The following KMT2C variants were observed in gnomAD, a reference collection of about 807,000 sequenced individuals.
The protein encoded by KMT2C is histone-lysine N-methyltransferase 2C.
KMT2C carries 88 observed loss-of-function variants against 507.9 expected under a neutral mutation model. The observed-to-expected ratio is 0.17, with a 90% CI of 0.15 to 0.21. The LOEUF is 0.21. Ranked by LOEUF, KMT2C falls within the 10% of genes least tolerant of loss-of-function variation. The pLI, the probability that KMT2C is intolerant of heterozygous loss-of-function variation, is 1.00. For missense variants in KMT2C, 4,954 were observed against 5,957.8 expected, an observed-to-expected ratio of 0.83 and a Z score of 5.55; for synonymous variants, 2,049 against 2,080.8, an observed-to-expected ratio of 0.98 and a Z score of 0.42.
At chr7:152,362,956 C>T (rs1236985783) in intron 1 of KMT2C, among the ~76,000 whole-genome samples, 10 of 152,158 alleles carry the variant, frequency 6.6e-5, no homozygotes, top group Non-Finnish European at 2.9e-5. Flanking sequence ...AACTTATTGA[C>T]ATCATGTCAT....
At chr7:152,435,022 G>A (rs938790472) in intron 1 of KMT2C, among the ~76,000 whole-genome samples, 1 of 152,076 alleles carries the variant, frequency 6.6e-6, no homozygotes, top group South Asian at 2.1e-4. Flanking sequence ...GTTGGGGGAG[G>A]GGGGAGGAAG....
intron 43 of KMT2C, 116 bp downstream of exon 43, chr7:152,162,001 C>T (rs2092478964): frequency 8.3e-7 from 1 of 1,203,786 alleles, no homozygotes; most frequent in Non-Finnish European, 1.1e-6. Flanking sequence ...AAAAAATGGT[C>T]CTTTAGAATA....
At chr7:152,353,672 A>AT (rs1256496581) in intron 2 of KMT2C, among the ~76,000 whole-genome samples, 4 of 151,888 alleles carry the variant, frequency 2.6e-5, no homozygotes, top group African/African-American at 9.7e-5. Context: ...TAATTTTTGT[A>AT]TTTTTTTGTA....
Position 152,163,064 on chromosome 7 carries a change from T to C in KMT2C, c.10513A>G (p.Asn3505Asp), listed in dbSNP as rs140626076. 1.9e-4 allele frequency: 305 copies of C among 1,614,240 alleles called. No individual in the cohort carries two copies. The highest frequency in any genetic ancestry group is 1.2e-3 in the Middle Eastern group (7 of 6,062). Residue 3505 changes from asparagine (N) to aspartate (D), a missense_variant, in exon 43 of 59, where the codon AAT (asparagine) becomes GAT (aspartate). By Grantham distance (23) the Asn-to-Asp change is conservative (BLOSUM62 1). Coordinates refer to ENST00000262189, the MANE Select transcript of KMT2C (RefSeq NM_170606.3). ...GGAGGGCCTACCTGCCTTCGCTCATTAGTCTGCATGAAAGTTTGGGTGGAG... is the reference window on the plus strand; with the variant it reads ...GGAGGGCCTACCTGCCTTCGCTCATCAGTCTGCATGAAAGTTTGGGTGGAG... ...SPSTQTFMQT[N>D]ERRQVGPPSF... is the part of the protein sequence containing the mutation.
chr7:152,260,194 A>G (rs2095745085), intron 9 of KMT2C, among the ~76,000 whole-genome samples: 1 of 152,206 alleles, frequency 6.6e-6, no homozygotes, highest in South Asian at 2.1e-4. Context: ...CCACCACACT[A>G]TAGTCCCTTC....
Position 152,192,435 on chromosome 7 carries a change from G to C in KMT2C, c.4660+1574C>G, listed in dbSNP as rs73481028. Among the ~76,000 whole-genome samples, 1,205 of 152,060 alleles carry C rather than the reference G, an allele frequency of 7.9e-3. 19 individuals are homozygous for C. Among genetic ancestry groups the C allele is most frequent in the African/African-American group, 0.028 (1,143 of 41,486 alleles). On this transcript the variant is annotated intron_variant, in intron 31 of 58. Coordinates refer to ENST00000262189, the MANE Select transcript of KMT2C (RefSeq NM_170606.3). ...CAGGCACCTGTAATCCCAGCTACTCGGGAGGCTAAGCCAGAAGAATCGCTG... is the reference window on the plus strand; with the variant it reads ...CAGGCACCTGTAATCCCAGCTACTCCGGAGGCTAAGCCAGAAGAATCGCTG...
At chr7:152,192,459 T>C (rs1588092312) in intron 31 of KMT2C, among the ~76,000 whole-genome samples, 1 of 151,412 alleles carries the variant, frequency 6.6e-6, no homozygotes, top group South Asian at 2.1e-4. Context: ...GAAGAATCGC[T>C]GAACTCAGAG....
chr7:152,421,065 C>T (rs2097774698), intron 1 of KMT2C, among the ~76,000 whole-genome samples: 1 of 151,454 alleles, frequency 6.6e-6, no homozygotes, highest in African/African-American at 2.4e-5. Flanking sequence ...AAAACAACCC[C>T]ATTTAAAAAT....
intron 40 of KMT2C, among the ~76,000 whole-genome samples, chr7:152,170,639 A>T (rs933115665): frequency 6.6e-6 from 1 of 151,976 alleles, no homozygotes; most frequent in African/African-American, 2.4e-5. Context: ...AGTAGCTGGG[A>T]CTATAGGTGT....
Position 152,435,762 on chromosome 7 carries a change from C to T in KMT2C, c.25G>A (p.Val9Met). Residue 9 changes from valine to methionine, a missense_variant, in exon 1 of 59, where the codon GTG (valine) becomes ATG (methionine). By Grantham distance (21) the Val-to-Met change is conservative. Around this residue, in one of 29 missense-constraint regions of KMT2C, gnomAD observed 51 missense variants for 43.5 expected, o/e 1.17. Coordinates refer to ENST00000262189, the MANE Select transcript of KMT2C (RefSeq NM_170606.3). ...GGTGGCGGCGGCTGCGGCTGCTCCA[C>T]GCTCTTGTCCTCCTCCGACGACATC... MSSEEDKS[V>M]EQPQPPPPPP... 1 of 1,477,636 alleles carries T rather than the reference C, an allele frequency of 6.8e-7. No homozygotes were observed. Among genetic ancestry groups the T allele is most frequent in the Non-Finnish European group, 9.0e-7 (1 of 1,109,214 alleles). 91.5% of individuals were successfully genotyped at this position (1,477,636 alleles called of 1,614,324 possible).
In KMT2C at chr7:152,163,648, T is replaced by G. The variant is rs2092576300; in HGVS notation, c.9929A>C (p.Gln3310Pro). The change falls in exon 43 of 59, where the codon CAG (glutamine) becomes CCG (proline). Residue 3310 changes from glutamine (Q) to proline (P), a missense_variant. This residue lies in a region of KMT2C where 801 missense variants were observed against 751.2 expected (regional missense o/e 1.07). Transcript: ENST00000262189. ...TGTTGTGTGCTGCTGGTGCTGAAGCTGCTGTGGCACCATGGGAAAGGTGGG... is the reference window on the plus strand; with the variant it reads ...TGTTGTGTGCTGCTGGTGCTGAAGCGGCTGTGGCACCATGGGAAAGGTGGG... ...SQPTFPMVPQ[Q>P]LQHQQHTTVI... 19 of 1,613,096 alleles carry G rather than the reference T, an allele frequency of 1.2e-5. No individual in the cohort carries two copies. Among genetic ancestry groups the G allele is most frequent in the Non-Finnish European group, 1.5e-5 (18 of 1,179,378 alleles).
intron 37 of KMT2C, among the ~76,000 whole-genome samples, chr7:152,179,528 A>C (rs1248481014): frequency 1.3e-5 from 2 of 152,222 alleles, no homozygotes; most frequent in Non-Finnish European, 2.9e-5. Flanking sequence ...ATGACCTCTC[A>C]TTAGCACTAA....
intron 3 of KMT2C, among the ~76,000 whole-genome samples, chr7:152,323,172 T>C (rs189210968): frequency 5.3e-5 from 8 of 152,030 alleles, no homozygotes; most frequent in South Asian, 2.1e-4. Context: ...ATCACACTTC[T>C]GGGTATATAT....
In KMT2C at chr7:152,136,214, A is replaced by T. The variant is rs1489565277; in HGVS notation, c.*618T>A. 4.8e-6 allele frequency: 1 copy of T among 210,468 alleles called. No individual in the cohort carries two copies. Among genetic ancestry groups the T allele is most frequent in the African/African-American group, 2.3e-5 (1 of 44,094 alleles). The allele number at this position is 210,468 out of a possible 1,614,324, so 13.0% of individuals were successfully genotyped here. A position where few individuals can be genotyped will look rare whatever the true frequency, so the allele number is the denominator to read the frequency against. ...TATTTTACAGAAATCAAAAACTACA[A>T]TAAACTGACTCATGGAATCAAGTAT... On this transcript the variant is annotated 3_prime_UTR_variant, in exon 59 of 59. Coordinates refer to ENST00000262189, the MANE Select transcript of KMT2C (RefSeq NM_170606.3).
At position 152,171,256 on chromosome 7, in the gene KMT2C, A is replaced by T. The variant is rs1191488888; in HGVS notation, c.9453+8T>A. On this transcript the variant is annotated splice_region_variant and intron_variant, in intron 40 of 58. Transcript: ENST00000262189. ...CATTCTAGAGGGACTCATTACAGGCAGTGTTACCTGAGGAATGGCCTGTGG... is the reference window on the plus strand; with the variant it reads ...CATTCTAGAGGGACTCATTACAGGCTGTGTTACCTGAGGAATGGCCTGTGG... 6.3e-7 allele frequency: 1 copy of T among 1,590,804 alleles called. No homozygotes were observed. Among genetic ancestry groups the T allele is most frequent in the Admixed American group, 1.7e-5 (1 of 57,642 alleles).
chr7:152,220,896 A>C (rs759784164), intron 22 of KMT2C, among the ~76,000 whole-genome samples, 161 bp from the exon 23 acceptor site: 1 of 152,236 alleles, frequency 6.6e-6, no homozygotes, highest in African/African-American at 2.4e-5. Flanking sequence ...ATACCCAATA[A>C]AAACTATGAA....
At chr7:152,261,983 A>G (rs1483637274) in intron 9 of KMT2C, among the ~76,000 whole-genome samples, 1 of 151,554 alleles carries the variant, frequency 6.6e-6, no homozygotes, top group African/African-American at 2.4e-5. Flanking sequence ...CCCCCAGGAG[A>G]GAAAGCCCCT....
intron 14 of KMT2C, among the ~76,000 whole-genome samples, chr7:152,241,498 C>CA (rs2095384499): frequency 7.3e-6 from 1 of 136,428 alleles, no homozygotes; most frequent in South Asian, 2.4e-4. Context: ...CCATGTCTGG[C>CA]GTTTTCTAAC....
At chr7:152,384,582 C>CACCACCACCACCACCACCACCACT (rs2097405586) in intron 1 of KMT2C, among the ~76,000 whole-genome samples, 1 of 143,812 alleles carries the variant, frequency 7.0e-6, no homozygotes, top group African/African-American at 2.5e-5. Flanking sequence ...CCACCACCAC[C>CACCACCACCACCACCACCACCACT]ACCACCACCA....
Sources: allele counts gnomAD v4.1 joint callset (sites outside exome capture counted in the v4.1 genomes callset), GRCh38; gene constraint gnomAD v4.1.1; regional missense constraint gnomAD v4.1.1; transcripts MANE v1.5; gene names NCBI Gene and HGNC (gene_info 2026-07-23, HGNC 2026-07-21).